Variants in MYO18A observed in about 807,000 individuals in gnomAD.
The protein encoded by MYO18A is unconventional myosin-XVIIIa.
Under a neutral mutation model 235.8 loss-of-function variants are expected in MYO18A, and 78 were observed. The observed-to-expected ratio is 0.33, with a 90% CI of 0.28 to 0.40. The LOEUF is 0.40. Ranked by LOEUF, MYO18A falls within the 10% of genes least tolerant of loss-of-function variation. The pLI is 1.00. For synonymous variants in MYO18A, 977 were observed against 1,077.8 expected (o/e 0.91, Z 1.83); for missense variants, 2,215 against 2,699.3 (o/e 0.82, Z 3.98).
Position 29,166,208 on chromosome 17 carries a change from G to T in MYO18A, c.733C>A (p.Pro245Thr). The T allele has an allele frequency of 6.2e-7, 1 of 1,612,830 alleles. No homozygotes were observed. The highest frequency in any genetic ancestry group is 8.5e-7 in the Non-Finnish European group (1 of 1,179,882). The change falls in exon 2 of 42, where the codon CCC (proline) becomes ACC (threonine). Residue 245 changes from proline to threonine, a missense_variant. Coordinates refer to ENST00000527372, the MANE Select transcript of MYO18A (RefSeq NM_078471.4). ...ACACGCCGACAGGCCTGGCCCTCGG[G>T]GCCCCGATCCAGCATGGTTGTGCGC... ...LRRTTMLDRG[P>T]EGQACRRVVH...
chr17:29,111,341 C>CTT lies in MYO18A; in HGVS notation c.2900+82_2900+83insAA, dbSNP rs2066922774. 9 of 1,507,374 alleles carry CTT rather than the reference C, an allele frequency of 6.0e-6. No homozygotes were observed. Among genetic ancestry groups the CTT allele is most frequent in the African/African-American group, 1.4e-5 (1 of 72,940 alleles). 93.4% of individuals were successfully genotyped at this position (1,507,374 alleles called of 1,614,324 possible). ...ATCTACTTTGCTAGTGAGGGGGCCTCTGAGACAACCCCAGGGGGAGGGAGC... is the reference window on the plus strand; with the variant it reads ...ATCTACTTTGCTAGTGAGGGGGCCTCTTTGAGACAACCCCAGGGGGAGGGAGC... On this transcript the variant is annotated intron_variant, in intron 17 of 41. Coordinates refer to ENST00000527372, the MANE Select transcript of MYO18A (RefSeq NM_078471.4). This position sits in a 1 kb window ranked among gnomAD's most constrained non-coding sequence, Gnocchi z 5.1.
At chr17:29,093,116 A>G in intron 32 of MYO18A, 115 bp from the exon 33 acceptor site, 1 of 1,403,160 alleles carries the variant, frequency 7.1e-7, no homozygotes, top group South Asian at 1.4e-5. Context: ...GGATGCTGGA[A>G]GAGCCAGGGT....
intron 2 of MYO18A, among the ~76,000 whole-genome samples, chr17:29,143,000 G>T (rs959635247): frequency 1.3e-5 from 2 of 152,166 alleles, no homozygotes; most frequent in African/African-American, 4.8e-5. Flanking sequence ...TGGAGACGGG[G>T]TTTCACCATT....
intron 2 of MYO18A, among the ~76,000 whole-genome samples, chr17:29,139,759 C>T (rs893910309): frequency 6.6e-6 from 1 of 152,136 alleles, no homozygotes; most frequent in African/African-American, 2.4e-5. Flanking sequence ...CCCAACACGC[C>T]ATCTGTGCCC....
chr17:29,142,228 G>C (rs1567628466), intron 2 of MYO18A, among the ~76,000 whole-genome samples: 1 of 152,348 alleles, frequency 6.6e-6, no homozygotes, highest in East Asian at 1.9e-4. Context: ...CACTGCGCCT[G>C]GCTGGACACT....
At position 29,094,550 on chromosome 17, in the gene MYO18A, G is replaced by C. The variant is rs560200728; in HGVS notation, c.4710+100C>G. On this transcript the variant is annotated intron_variant, in intron 30 of 41. Coordinates refer to ENST00000527372, the MANE Select transcript of MYO18A (RefSeq NM_078471.4). ...TAGGTGAGTGAGTGAATACGCGAAT[G>C]AATGGAGGCAGGATCCTCTGGCCCA... The C allele has an allele frequency of 6.6e-6, 8 of 1,214,274 alleles. No homozygotes were observed. In the East Asian group the frequency reaches 1.2e-4, roughly 18 times the overall value. 75.2% of individuals were successfully genotyped at this position (1,214,274 alleles called of 1,614,324 possible). A position where few individuals can be genotyped will look rare whatever the true frequency, so the allele number is the denominator to read the frequency against.
intron 2 of MYO18A, chr17:29,133,704 C>A: frequency 1.0e-6 from 1 of 956,166 alleles, no homozygotes; most frequent in African/African-American, 1.7e-5. Flanking sequence ...TCTCTAGCTT[C>A]CAAAGCTCCC....
intron 2 of MYO18A, among the ~76,000 whole-genome samples, chr17:29,143,600 C>T (rs750515258): frequency 3.9e-5 from 6 of 152,106 alleles, no homozygotes; most frequent in Non-Finnish European, 8.8e-5. Context: ...AAAAATGAGG[C>T]ATTGTAAGCA....
chr17:29,123,626 C>T (rs1480968405), intron 2 of MYO18A, among the ~76,000 whole-genome samples: 1 of 152,216 alleles, frequency 6.6e-6, no homozygotes, highest in Non-Finnish European at 1.5e-5. Context: ...CAGTGGCTCC[C>T]AGATCTCCGG....
In MYO18A at chr17:29,115,856, A is replaced by G; in HGVS notation, c.2051-16T>C. ...TTGCGCCCAGCTGTGGAGTGGAAAA[A>G]GGGATCTGGCATCCTGGGTCTTTTT... On this transcript the variant is annotated splice_polypyrimidine_tract_variant and intron_variant, in intron 11 of 41. Transcript: ENST00000527372. 4 of 1,565,774 alleles carry G rather than the reference A, an allele frequency of 2.6e-6. No individual in the cohort carries two copies. The highest frequency in any genetic ancestry group is 2.6e-6 in the Non-Finnish European group (3 of 1,155,692).
chr17:29,175,883 C>A (rs2068512800), intron 1 of MYO18A, among the ~76,000 whole-genome samples: 1 of 152,026 alleles, frequency 6.6e-6, no homozygotes. Context: ...GATGGTGAAA[C>A]CCTGTCTCTA....
intron 39 of MYO18A, 98 bp from the exon 40 acceptor site, chr17:29,085,746 C>T: frequency 8.0e-7 from 1 of 1,243,892 alleles, no homozygotes; most frequent in Non-Finnish European, 1.2e-6. Flanking sequence ...GACCTCTCTT[C>T]CCTCAGCAAG....
At chr17:29,082,685 C>T (rs1484990751) in intron 40 of MYO18A, among the ~76,000 whole-genome samples, 1 of 151,968 alleles carries the variant, frequency 6.6e-6, no homozygotes, top group East Asian at 1.9e-4. Flanking sequence ...AGGCAGCTCC[C>T]AAGCCAGTTA....
chr17:29,145,079 G>A (rs1199938772), intron 2 of MYO18A, among the ~76,000 whole-genome samples: 2 of 152,120 alleles, frequency 1.3e-5, no homozygotes, highest in African/African-American at 4.8e-5. Flanking sequence ...TACTGTCCAC[G>A]TGCCATGACT....
At chr17:29,148,083 T>A (rs1344187109) in intron 2 of MYO18A, among the ~76,000 whole-genome samples, 1 of 151,454 alleles carries the variant, frequency 6.6e-6, no homozygotes, top group Non-Finnish European at 1.5e-5. Context: ...TTGAGAAAAG[T>A]AAGGAAAGAT....
chr17:29,089,273 T>C (rs901431247), intron 37 of MYO18A, among the ~76,000 whole-genome samples: 52 of 150,002 alleles, frequency 3.5e-4, no homozygotes, highest in African/African-American at 1.1e-3. Flanking sequence ...TCTACTAAAA[T>C]ACAATTTAAA....
At chr17:29,094,623 C>G (rs1482522145) in intron 30 of MYO18A, 27 bp downstream of exon 30, 2 of 1,613,128 alleles carry the variant, frequency 1.2e-6, no homozygotes, top group Non-Finnish European at 1.7e-6. Context: ...TGCACCTCAC[C>G]TCTCCCTTGG....
At position 29,098,983 on chromosome 17, in the gene MYO18A, G is replaced by T. The variant is rs759463377; in HGVS notation, c.3637-14C>A. ...CAGGTCCTGGATCTGCAGGTGGGGT[G>T]GGGGTGGTGCACAGCGGGGCTCTCA... On this transcript the variant is annotated splice_polypyrimidine_tract_variant and intron_variant, in intron 22 of 41. Coordinates refer to ENST00000527372, the MANE Select transcript of MYO18A (RefSeq NM_078471.4). 24 of 1,612,264 alleles carry T rather than the reference G, an allele frequency of 1.5e-5. No homozygotes were observed. Among genetic ancestry groups the T allele is most frequent in the Middle Eastern group, 2.0e-4 (1 of 5,124 alleles).
chr17:29,099,870 T>C, intron 21 of MYO18A, 108 bp from the exon 22 acceptor site: 1 of 1,444,574 alleles, frequency 6.9e-7, no homozygotes, highest in East Asian at 2.3e-5. Flanking sequence ...AGTACAGCCC[T>C]TGGCTTGGGA....
Sources: allele counts gnomAD v4.1 joint callset (sites outside exome capture counted in the v4.1 genomes callset), GRCh38; gene constraint gnomAD v4.1.1; non-coding constraint Gnocchi (gnomAD v3.1); transcripts MANE v1.5; gene names NCBI Gene and HGNC (gene_info 2026-07-23, HGNC 2026-07-21).